LAMA1: variants seen among roughly 807,000 people sequenced by gnomAD.
The protein encoded by LAMA1 is laminin subunit alpha-1.
In LAMA1, 219 loss-of-function variants were observed where a neutral mutation model predicts 348.7. The observed-to-expected ratio is 0.63, with a 90% CI of 0.56 to 0.70. The LOEUF is 0.70. LAMA1 is among the 30% of genes least tolerant of loss of function. The pLI is 0.00. For missense variants in LAMA1, 3,744 were observed against 3,888.0 expected, an observed-to-expected ratio of 0.96 and a Z score of 0.99; for synonymous variants, 1,487 against 1,491.0, an observed-to-expected ratio of 1.00 and a Z score of 0.06.
At chr18:6,999,283 A>G (rs925925296) in intron 32 of LAMA1, among the ~76,000 whole-genome samples, 162 bp downstream of exon 32, 2 of 152,218 alleles carry the variant, frequency 1.3e-5, no homozygotes, top group African/African-American at 4.8e-5. Context: ...TGAAAGGTTC[A>G]GTTCAGCAGA....
At position 6,950,976 on chromosome 18, in the gene LAMA1, G is replaced by A. The variant is rs746617404; in HGVS notation, c.8208-5C>T. 4 of 1,613,022 alleles carry A rather than the reference G, an allele frequency of 2.5e-6. No individual in the cohort carries two copies. In the East Asian group the frequency reaches 8.9e-5, roughly 36 times the overall value. On this transcript the variant is annotated splice_polypyrimidine_tract_variant and splice_region_variant and intron_variant, in intron 57 of 62. Transcript: ENST00000389658. ...ATGCTTAGCTCAACCGAGAGCCTGG[G>A]GAAAACAAGTGCTCAGCGTTGAGAA...
At chr18:7,100,402 G>A (rs2143819423) in intron 1 of LAMA1, among the ~76,000 whole-genome samples, 1 of 151,438 alleles carries the variant, frequency 6.6e-6, no homozygotes, top group South Asian at 2.1e-4. Context: ...CTGCTGGTAG[G>A]GCTGTAAAAC....
Position 6,997,988 on chromosome 18 carries a change from G to T in LAMA1, c.4664-104C>A, listed in dbSNP as rs1292201825. 4.1e-6 allele frequency: 4 copies of T among 985,704 alleles called. No homozygotes were observed. In the East Asian group the frequency reaches 7.2e-5, roughly 18 times the overall value. The allele number at this position is 985,704 out of a possible 1,614,324, so 61.1% of individuals were successfully genotyped here. A position where few individuals can be genotyped will look rare whatever the true frequency, so the allele number is the denominator to read the frequency against. On this transcript the variant is annotated intron_variant, in intron 32 of 62. Coordinates refer to ENST00000389658, the MANE Select transcript of LAMA1 (RefSeq NM_005559.4). ...TTGTTTTGTGAAAATGACACATGCG[G>T]TCAGAGTACACTCCAAGACCCCGTG...
intron 45 of LAMA1, 145 bp from the exon 46 acceptor site, chr18:6,975,181 C>A (rs2057676327): frequency 1.8e-6 from 2 of 1,088,042 alleles, no homozygotes; most frequent in Non-Finnish European, 2.6e-6. Context: ...AATCTATTTT[C>A]TTTTGTTTGA....
At chr18:7,031,931 T>A in intron 16 of LAMA1, 135 bp downstream of exon 16, 2 of 621,514 alleles carry the variant, frequency 3.2e-6, no homozygotes, top group Non-Finnish European at 5.6e-6. Flanking sequence ...TGAGCTTAAA[T>A]CTGTAAATTT....
At position 6,973,184 on chromosome 18, in the gene LAMA1, C is replaced by T. The variant is rs1331405693; in HGVS notation, c.6647G>A (p.Ser2216Asn). Reference sequence around the variant, plus strand: ...TTGATTTGAGCTCATTTCCTTTACACTCAGTGAACCAATGTTTCCAAATCT... The same window carrying T: ...TTGATTTGAGCTCATTTCCTTTACATTCAGTGAACCAATGTTTCCAAATCT... ...VARFGNIGSL[S>N]VKEMSSNQKS... Residue 2216 changes from serine to asparagine, a missense_variant, in exon 47 of 63, where the codon AGT (serine) becomes AAT (asparagine). By Grantham distance (46) the Ser-to-Asn change is conservative. Around this residue, in one of 3 missense-constraint regions of LAMA1, gnomAD observed 1,983 missense variants for 1,934.3 expected, o/e 1.03. Coordinates refer to ENST00000389658, the MANE Select transcript of LAMA1 (RefSeq NM_005559.4). 5 of 1,614,174 alleles carry T rather than the reference C, an allele frequency of 3.1e-6. No homozygotes were observed. The highest frequency in any genetic ancestry group is 4.2e-6 in the Non-Finnish European group (5 of 1,180,016).
chr18:6,984,646 G>A (rs150302022), intron 39 of LAMA1, among the ~76,000 whole-genome samples: 95 of 152,258 alleles, frequency 6.2e-4, no homozygotes, highest in African/African-American at 2.1e-3. Flanking sequence ...TGTGCTTCTC[G>A]TTTAAAGGAA....
intron 27 of LAMA1, 70 bp from the exon 28 acceptor site, chr18:7,008,678 C>A (rs1421265794): frequency 1.3e-6 from 2 of 1,557,836 alleles, no homozygotes; most frequent in Non-Finnish European, 1.8e-6. Context: ...TAGCACATGA[C>A]CTAACACTTG....
At position 6,964,650 on chromosome 18, in the gene LAMA1, A is replaced by G; in HGVS notation, c.7337+12T>C. On this transcript the variant is annotated intron_variant, in intron 51 of 62. Transcript: ENST00000389658. ...GAAATCAGCGACATGAAAATTCTGC[A>G]GTTTAATATACCTTACAACTCTTGA... The G allele has an allele frequency of 6.2e-7, 1 of 1,614,142 alleles. No individual in the cohort carries two copies. The highest frequency in any genetic ancestry group is 1.7e-5 in the Admixed American group (1 of 60,024).
Position 7,014,274 on chromosome 18 carries a change from G to A in LAMA1, c.3127-223C>T, listed in dbSNP as rs550881039. ...TTAGTGGCACATGCGCACGGGGCCAGAATTGTGAACTGAAATTAAATCTAC... is the reference window on the plus strand; with the variant it reads ...TTAGTGGCACATGCGCACGGGGCCAAAATTGTGAACTGAAATTAAATCTAC... On this transcript the variant is annotated intron_variant, in intron 22 of 62. Transcript: ENST00000389658. Among the ~76,000 whole-genome samples the A allele has an allele frequency of 2.0e-5, 3 of 152,296 alleles. No individual in the cohort carries two copies. In the East Asian group the frequency reaches 5.8e-4, roughly 29 times the overall value.
At chr18:7,097,042 G>A (rs1038470913) in intron 1 of LAMA1, among the ~76,000 whole-genome samples, 2 of 151,924 alleles carry the variant, frequency 1.3e-5, no homozygotes, top group African/African-American at 4.8e-5. Context: ...AGAAGCACAT[G>A]CCTAATGATC....
At chr18:6,959,942 T>C (rs1235004845) in intron 53 of LAMA1, 3 of 246,188 alleles carry the variant, frequency 1.2e-5, no homozygotes, top group Non-Finnish European at 2.4e-5. Flanking sequence ...AAGCTTTTAA[T>C]TTTTTTTCGA....
rs751256456 is a variant in LAMA1, at chr18:6,982,544, C to T, written c.5843G>A (p.Ser1948Asn). 6.2e-7 allele frequency: 1 copy of T among 1,614,156 alleles called. No homozygotes were observed. The highest frequency in any genetic ancestry group is 1.3e-5 in the African/African-American group (1 of 75,038). The part of the protein sequence containing the change: ...VSNGKAAVQR[S>N]SRFLKEGNNL... ...GTTGCCTTCTTTTAGAAATCTGGAG[C>T]TGCGCTGCACGGCCGCTTTCCCGTT... Residue 1948 changes from serine to asparagine, a missense_variant, in exon 41 of 63, where the codon AGC becomes AAC. Ser to Asn is a conservative substitution (Grantham distance 46). Around this residue, in one of 3 missense-constraint regions of LAMA1, gnomAD observed 1,983 missense variants for 1,934.3 expected, o/e 1.03. Coordinates refer to ENST00000389658, the MANE Select transcript of LAMA1 (RefSeq NM_005559.4).
chr18:7,064,857 A>G (rs528714583), intron 3 of LAMA1, among the ~76,000 whole-genome samples: 1 of 152,294 alleles, frequency 6.6e-6, no homozygotes, highest in Admixed American at 6.5e-5. Flanking sequence ...AATTCTCATG[A>G]TCGTCTTGTA....
rs770164835 is a variant in LAMA1 at position 6,942,216 on chromosome 18, G to A, written c.9091C>T (p.Arg3031Cys). 23 of 1,613,982 alleles carry A rather than the reference G, an allele frequency of 1.4e-5. No individual in the cohort carries two copies. The highest frequency in any genetic ancestry group is 1.6e-4 in the Middle Eastern group (1 of 6,080). The change falls in exon 63 of 63, where the codon CGC becomes TGC. Residue 3031 changes from arginine to cysteine, a missense_variant. By Grantham distance (180) the Arg-to-Cys change is radical. Coordinates refer to ENST00000389658, the MANE Select transcript of LAMA1 (RefSeq NM_005559.4). ...CACCCGCGGAACGAGGTCTGGCTGCGCAGGCATTTTTGCTTCACACCAGCT... is the reference window on the plus strand; with the variant it reads ...CACCCGCGGAACGAGGTCTGGCTGCACAGGCATTTTTGCTTCACACCAGCT... ...YPAGVKQKCL[R>C]SQTSFRGCLR...
chr18:7,034,795 T>A, intron 13 of LAMA1, 105 bp from the exon 14 acceptor site: 1 of 1,004,086 alleles, frequency 1.0e-6, no homozygotes, highest in Non-Finnish European at 1.5e-6. Flanking sequence ...CATTCGTGCC[T>A]AGCTTCTTGT....
chr18:6,950,731 T>C lies in LAMA1; in HGVS notation c.8397+51A>G, dbSNP rs768366268. On this transcript the variant is annotated intron_variant, in intron 58 of 62. Coordinates refer to ENST00000389658, the MANE Select transcript of LAMA1 (RefSeq NM_005559.4). The stretch of plus-strand genomic sequence containing the variant: ...TGAGAAATGGAGTGAACCCGAGTGA[T>C]AGATGGAACAGAACTCAGAAGCAGC... The C allele has an allele frequency of 5.0e-6, 8 of 1,594,962 alleles. No homozygotes were observed. The Admixed American group carries it at 8.3e-5, about 17-fold the overall frequency.
intron 56 of LAMA1, chr18:6,955,817 T>C (rs2057574139): frequency 2.6e-6 from 1 of 379,972 alleles, no homozygotes; most frequent in Admixed American, 3.7e-5. Flanking sequence ...GGAATGGCCC[T>C]AAGGATGCAG....
chr18:6,994,911 C>G lies in LAMA1; in HGVS notation c.4896+446G>C, dbSNP rs139091186. Among the ~76,000 whole-genome samples, 4 of 152,248 alleles carry G rather than the reference C, an allele frequency of 2.6e-5. No individual in the cohort carries two copies. The East Asian group carries it at 7.8e-4, about 30-fold the overall frequency. ...CCCAGCCTGAAGCCTGAAGTTTGCA[C>G]AGATGCCTCATCATGAGGTCTGTGC... On this transcript the variant is annotated intron_variant, in intron 34 of 62. Transcript: ENST00000389658.
Sources: allele counts gnomAD v4.1 joint callset (sites outside exome capture counted in the v4.1 genomes callset), GRCh38; gene constraint gnomAD v4.1.1; regional missense constraint gnomAD v4.1.1; transcripts MANE v1.5; gene names NCBI Gene and HGNC (gene_info 2026-07-23, HGNC 2026-07-21).